Variants in ANK2 observed in about 807,000 individuals in gnomAD.
The protein encoded by ANK2 is ankyrin-2.
In ANK2, 83 loss-of-function variants were observed where a neutral mutation model predicts 360.5. That is an observed-to-expected ratio of 0.23 (90% CI 0.19 to 0.28). The LOEUF is 0.28. Among genes scored for constraint, ANK2 ranks in the 10% least tolerant of loss-of-function variants. The pLI is 1.00. For synonymous variants in ANK2, 1,740 were observed against 1,759.5 expected (o/e 0.99, Z 0.28); for missense variants, 4,201 against 4,795.7 (o/e 0.88, Z 3.66).
intron 4 of ANK2, among the ~76,000 whole-genome samples, chr4:113,221,544 A>G (rs1452571717): frequency 6.6e-6 from 1 of 151,936 alleles, no homozygotes; most frequent in Admixed American, 6.6e-5. Flanking sequence ...CTGTAATCCC[A>G]GCTACTCAAG....
chr4:112,723,100 C>T, the ANK2 span, among the ~76,000 whole-genome samples: 1 of 152,182 alleles, frequency 6.6e-6, no homozygotes, highest in Admixed American at 6.5e-5. Flanking sequence ...AATATGTAGC[C>T]AGTCAACAAC....
chr4:112,976,721 T>G (rs557808187), intron 2 of ANK2, among the ~76,000 whole-genome samples: 1 of 152,296 alleles, frequency 6.6e-6, no homozygotes, highest in Non-Finnish European at 1.5e-5. Context: ...TGCACTTTTT[T>G]TTCCCCTTTA....
chr4:113,228,797 A>G (rs1350613257), intron 4 of ANK2, among the ~76,000 whole-genome samples: 1 of 152,222 alleles, frequency 6.6e-6, no homozygotes, highest in Non-Finnish European at 1.5e-5. Flanking sequence ...CAAGGAATGC[A>G]AAAGAGGCCC....
chr4:112,998,041 G>A (rs962113297), intron 2 of ANK2, among the ~76,000 whole-genome samples: 1 of 151,790 alleles, frequency 6.6e-6, no homozygotes, highest in African/African-American at 2.4e-5. Flanking sequence ...GGTCCTAAAT[G>A]AGATGGTCTT....
intron 24 of ANK2, among the ~76,000 whole-genome samples, chr4:113,313,382 A>C (rs2081107962): frequency 1.3e-5 from 2 of 152,118 alleles, no homozygotes; most frequent in Admixed American, 6.6e-5. Flanking sequence ...AAGAATTTAG[A>C]ATAATACTTT....
At chr4:113,003,282 G>C (rs999578198) in intron 2 of ANK2, among the ~76,000 whole-genome samples, 1 of 152,014 alleles carries the variant, frequency 6.6e-6, no homozygotes, top group African/African-American at 2.4e-5. Context: ...AAATAGATAG[G>C]CATGACATGT....
intron 1 of ANK2, chr4:113,141,363 T>C (rs561199659): frequency 3.9e-5 from 6 of 152,312 alleles, no homozygotes; most frequent in African/African-American, 9.6e-5. Context: ...ATCCTTTTTT[T>C]CCCCATGCAA....
chr4:113,074,149 T>C (rs979949063), intron 1 of ANK2, among the ~76,000 whole-genome samples: 1 of 152,224 alleles, frequency 6.6e-6, no homozygotes, highest in Non-Finnish European at 1.5e-5. Context: ...AATAATAACA[T>C]ATTTTGATTG....
chr4:113,158,818 G>A (rs905578069), intron 1 of ANK2, among the ~76,000 whole-genome samples: 5 of 152,028 alleles, frequency 3.3e-5, no homozygotes, highest in African/African-American at 9.7e-5. Flanking sequence ...GTTAAATTTG[G>A]TTAATGAACA....
At chr4:113,155,697 AC>A (rs2097261238) in intron 1 of ANK2, among the ~76,000 whole-genome samples, 3 of 152,122 alleles carry the variant, frequency 2.0e-5, no homozygotes, top group Admixed American at 6.5e-5. Flanking sequence ...GGAACTTCAT[AC>A]TTTTTGATTT....
At chr4:112,728,019 G>A in the ANK2 span, among the ~76,000 whole-genome samples, 2 of 151,214 alleles carry the variant, frequency 1.3e-5, no homozygotes, top group Non-Finnish European at 2.9e-5. Flanking sequence ...AATTGGCCGG[G>A]TGCGGTGGCT....
intron 2 of ANK2, among the ~76,000 whole-genome samples, chr4:112,913,127 A>G (rs2088314250): frequency 6.6e-6 from 1 of 152,204 alleles, no homozygotes; most frequent in African/African-American, 2.4e-5. Context: ...AGAGTTCTTC[A>G]TATCTATTGT....
rs1449470073 is a variant in ANK2 at position 113,381,904 on chromosome 4, A to C, written c.*433A>C. On this transcript the variant is annotated 3_prime_UTR_variant, in exon 46 of 46. Transcript: ENST00000357077. ...GCTAACCTGGGAACTGGCCACCTCC[A>C]TTGTTCTTTGCTTCTGCACAAGATC... 2.8e-6 allele frequency: 1 copy of C among 355,006 alleles called. No individual in the cohort carries two copies. The allele number at this position is 355,006 out of a possible 1,614,324, so 22.0% of individuals were successfully genotyped here. A position where few individuals can be genotyped will look rare whatever the true frequency, so the allele number is the denominator to read the frequency against.
chr4:112,811,182 C>T, the ANK2 span, among the ~76,000 whole-genome samples: 1 of 152,084 alleles, frequency 6.6e-6, no homozygotes, highest in Non-Finnish European at 1.5e-5. Flanking sequence ...CGTAATCCAC[C>T]TGCCTCGGCC....
chr4:113,025,340 G>C (rs539341857), intron 2 of ANK2, among the ~76,000 whole-genome samples: 10 of 152,252 alleles, frequency 6.6e-5, no homozygotes, highest in African/African-American at 2.4e-4. Context: ...AGGAAGAAAG[G>C]TTGTATATGT....
At chr4:113,000,326 G>A (rs537849900) in intron 2 of ANK2, among the ~76,000 whole-genome samples, 1 of 152,196 alleles carries the variant, frequency 6.6e-6, no homozygotes, top group African/African-American at 2.4e-5. Context: ...TTCACGAAGG[G>A]AAATTTATGC....
chr4:112,746,780 T>G, the ANK2 span, among the ~76,000 whole-genome samples: 1 of 152,222 alleles, frequency 6.6e-6, no homozygotes, highest in Non-Finnish European at 1.5e-5. Context: ...TTAACTTACA[T>G]TTTAATCATG....
the ANK2 span, among the ~76,000 whole-genome samples, chr4:112,809,547 C>T: frequency 2.9e-5 from 3 of 101,978 alleles, no homozygotes; most frequent in East Asian, 5.8e-4. Flanking sequence ...GGCGACAGAG[C>T]AAGACTCCGT....
At chr4:113,374,891 T>C in intron 45 of ANK2, 1 of 1,260,052 alleles carries the variant, frequency 7.9e-7, no homozygotes, top group Non-Finnish European at 1.0e-6. Context: ...GAGAAACATC[T>C]GGGGGATTCT....
Sources: gnomAD v4.1 joint callset for allele counts (sites outside exome capture counted in the v4.1 genomes callset) on GRCh38, gnomAD v4.1.1 for gene constraint, MANE v1.5 for transcripts, NCBI Gene and HGNC (gene_info 2026-07-23, HGNC 2026-07-21) for gene names.